The following C18orf63 variants were observed in gnomAD, a reference collection of about 807,000 sequenced individuals.
C18orf63 encodes uncharacterized protein C18orf63.
In C18orf63, 50 loss-of-function variants were observed where a neutral mutation model predicts 75.3. That is an observed-to-expected ratio of 0.66 (90% confidence interval 0.53 to 0.84). C18orf63 has a LOEUF of 0.84. Among genes scored for constraint, C18orf63 ranks in the 40% least tolerant of loss-of-function variants. The pLI, the probability that C18orf63 is intolerant of heterozygous loss-of-function variation, is 0.00. For synonymous variants in C18orf63, 232 were observed against 267.6 expected, an observed-to-expected ratio of 0.87 and a Z score of 1.30; for missense variants, 732 against 800.2, an observed-to-expected ratio of 0.91 and a Z score of 1.03.
chr18:74,338,561 C>T (rs1329607206), intron 7 of C18orf63, among the ~76,000 whole-genome samples, 154 bp from the exon 8 acceptor site: 1 of 152,076 alleles, frequency 6.6e-6, no homozygotes, highest in Non-Finnish European at 1.5e-5. Context: ...ACTTTGACTA[C>T]TTATGTAAAG....
rs1984495723 is a variant in C18orf63, at chr18:74,341,971, G to T, written c.612-61G>T. 1.4e-5 allele frequency: 11 copies of T among 800,218 alleles called. No individual in the cohort carries two copies. The South Asian group carries it at 1.9e-4, about 14-fold the overall frequency. The allele number at this position is 800,218 out of a possible 1,614,324, so 49.6% of individuals were successfully genotyped here. A position where few individuals can be genotyped will look rare whatever the true frequency, so the allele number is the denominator to read the frequency against. On this transcript the variant is annotated intron_variant, in intron 8 of 13. Coordinates refer to ENST00000579455, the MANE Select transcript of C18orf63 (RefSeq NM_001174123.2). Reference sequence around the variant, plus strand: ...TTTTGAACACTTTCTAAATCATGTAGTTGACTTATTAAACTATATTTAAGC... The same window carrying T: ...TTTTGAACACTTTCTAAATCATGTATTTGACTTATTAAACTATATTTAAGC...
chr18:74,341,746 T>G lies in C18orf63; in HGVS notation c.612-286T>G, dbSNP rs1252214445. ...AGTGGTCTACCACAAAAAAAAAAAG[T>G]ATGTGAGTAAATGCATGTTAATTAG... is the stretch of plus-strand genomic sequence containing the variant. On this transcript the variant is annotated intron_variant, in intron 8 of 13. Coordinates refer to ENST00000579455, the MANE Select transcript of C18orf63 (RefSeq NM_001174123.2). 2.0e-5 allele frequency among the ~76,000 whole-genome samples: 3 copies of G among 151,518 alleles called. No individual in the cohort carries two copies. The East Asian group carries it at 5.8e-4, about 29-fold the overall frequency.
At chr18:74,320,280 C>T (rs1190979897) in intron 2 of C18orf63, among the ~76,000 whole-genome samples, 1 of 152,078 alleles carries the variant, frequency 6.6e-6, no homozygotes, top group Non-Finnish European at 1.5e-5. Context: ...GCACCTTCTT[C>T]TAATGGCAGC....
At chr18:74,353,225 T>A (rs1984698017) in intron 11 of C18orf63, 21 bp from the exon 12 acceptor site, 3 of 1,462,340 alleles carry the variant, frequency 2.1e-6, no homozygotes, top group Non-Finnish European at 2.7e-6. Context: ...TAAATTTTTT[T>A]TTAATCTCTA....
At chr18:74,337,152 T>G (rs962762003) in intron 7 of C18orf63, among the ~76,000 whole-genome samples, 3 of 152,150 alleles carry the variant, frequency 2.0e-5, no homozygotes, top group African/African-American at 7.2e-5. Flanking sequence ...TTGTTCAGAT[T>G]GGCGTTATAA....
rs1327456900 is a variant in C18orf63, at chr18:74,353,514, G to A, written c.1247G>A (p.Gly416Glu). The A allele has an allele frequency of 1.3e-6, 2 of 1,536,570 alleles. No individual in the cohort carries two copies. Among genetic ancestry groups the A allele is most frequent in the South Asian group, 1.2e-5 (1 of 84,058 alleles). The change falls in exon 12 of 14, where the codon GGA (glycine) becomes GAA (glutamate). Residue 416 changes from glycine (G) to glutamate (E), a missense_variant. Transcript: ENST00000579455. ...VHSEVLMPNRGNTQVQHTNLS... is the reference protein window; with the variant it reads ...VHSEVLMPNRENTQVQHTNLS... ...TCAGAAGTATTAATGCCCAACAGAG[G>A]AAATACTCAAGTTCAGCACACAAAT...
chr18:74,331,304 T>G (rs753603584), intron 7 of C18orf63, among the ~76,000 whole-genome samples: 1 of 152,198 alleles, frequency 6.6e-6, no homozygotes, highest in Non-Finnish European at 1.5e-5. Context: ...AATTTAATAT[T>G]AATTCCCCTG....
chr18:74,344,003 A>C (rs1984531117), intron 11 of C18orf63, among the ~76,000 whole-genome samples: 1 of 152,076 alleles, frequency 6.6e-6, no homozygotes, highest in South Asian at 2.1e-4. Context: ...AAGAGTATTT[A>C]TTTGGAGATA....
At position 74,354,027 on chromosome 18, in the gene C18orf63, C is replaced by T. The variant is rs770540726; in HGVS notation, c.1760C>T (p.Ser587Leu). 4 of 1,536,316 alleles carry T rather than the reference C, an allele frequency of 2.6e-6. No homozygotes were observed. In the South Asian group the frequency reaches 4.8e-5, roughly 18 times the overall value. Residue 587 changes from serine (S) to leucine (L), a missense_variant, in exon 12 of 14, where the codon TCA becomes TTA. Around this residue, in one of 3 missense-constraint regions of C18orf63, gnomAD observed 495 missense variants for 508.7 expected, o/e 0.97. Transcript: ENST00000579455. ...ITQILGKSHGSLKLKRQPHIF... is the reference protein window; with the variant it reads ...ITQILGKSHGLLKLKRQPHIF... ...CAAATTTTAGGGAAAAGCCATGGGT[C>T]ACTAAAACTGAAAAGACAGCCACAC...
chr18:74,328,411 CAT>C (rs1383256496), intron 5 of C18orf63, among the ~76,000 whole-genome samples: 2 of 152,186 alleles, frequency 1.3e-5, no homozygotes, highest in Non-Finnish European at 2.9e-5. Context: ...CTTCCCACAA[CAT>C]GTGGGAATTA....
chr18:74,323,016 G>C (rs1984150505), intron 4 of C18orf63, among the ~76,000 whole-genome samples: 1 of 152,170 alleles, frequency 6.6e-6, no homozygotes, highest in African/African-American at 2.4e-5. Context: ...TCAGATAAGT[G>C]AATCTCGTCA....
chr18:74,338,082 T>C (rs1000718515), intron 7 of C18orf63, among the ~76,000 whole-genome samples: 3 of 152,126 alleles, frequency 2.0e-5, no homozygotes, highest in African/African-American at 7.2e-5. Context: ...TTTTTCACCC[T>C]CCTTGAGGTC....
intron 7 of C18orf63, among the ~76,000 whole-genome samples, chr18:74,338,437 AC>A (rs369463711): frequency 0.012 from 1,841 of 152,216 alleles, 19 homozygotes; most frequent in South Asian, 0.047. Context: ...AATTAAAAAA[AC>A]CACCTGAAAA....
chr18:74,332,206 G>A (rs568410123), intron 7 of C18orf63, among the ~76,000 whole-genome samples: 1 of 152,244 alleles, frequency 6.6e-6, no homozygotes, highest in East Asian at 1.9e-4. Flanking sequence ...TGCTTTCAGG[G>A]TCTCTCTGCT....
At position 74,349,899 on chromosome 18, in the gene C18orf63, G is replaced by A. The variant is rs140817465; in HGVS notation, c.979-3347G>A. Among the ~76,000 whole-genome samples the A allele has an allele frequency of 8.3e-3, 1,264 of 152,280 alleles. 24 individuals carry two copies. Among genetic ancestry groups the A allele is most frequent in the Non-Finnish European group, 7.8e-3 (528 of 68,024 alleles). On this transcript the variant is annotated intron_variant, in intron 11 of 13. Transcript: ENST00000579455. ...ACTTCTACTTCCAAATATTTTATGA[G>A]TGCATCTGATTGGCTGGTTCTAAAT...
intron 11 of C18orf63, among the ~76,000 whole-genome samples, chr18:74,344,927 A>C (rs1421807441): frequency 6.6e-6 from 1 of 152,060 alleles, no homozygotes; most frequent in Non-Finnish European, 1.5e-5. Flanking sequence ...AACCTCCAGG[A>C]GTAGAATTGG....
At position 74,353,904 on chromosome 18, in the gene C18orf63, C is replaced by T. The variant is rs1401885960; in HGVS notation, c.1637C>T (p.Ala546Val). Residue 546 changes from alanine to valine, a missense_variant, in exon 12 of 14, where the codon GCA becomes GTA. By Grantham distance (64) the Ala-to-Val change is moderately conservative. Transcript: ENST00000579455. The stretch of plus-strand genomic sequence containing the variant: ...AAAAATAAGCAACTATCTAATAGTG[C>T]AGTATTTGTGGTGTCAAATAACAAT... ...LNKNKQLSNS[A>V]VFVVSNNNLG... 6.5e-7 allele frequency: 1 copy of T among 1,535,680 alleles called. No individual in the cohort carries two copies. The highest frequency in any genetic ancestry group is 2.0e-5 in the Admixed American group (1 of 50,950).
intron 11 of C18orf63, among the ~76,000 whole-genome samples, chr18:74,345,016 A>G (rs1984549699): frequency 6.6e-6 from 1 of 152,104 alleles, no homozygotes; most frequent in Admixed American, 6.5e-5. Context: ...CCAAAGCAGT[A>G]TAGGAGAATT....
At chr18:74,336,882 C>G (rs1404193652) in intron 7 of C18orf63, among the ~76,000 whole-genome samples, 1 of 152,056 alleles carries the variant, frequency 6.6e-6, no homozygotes, top group African/African-American at 2.4e-5. Flanking sequence ...CTTTCTCTTT[C>G]CAGTTAGTCT....
Sources: gnomAD v4.1 joint callset for allele counts (sites outside exome capture counted in the v4.1 genomes callset) on GRCh38, gnomAD v4.1.1 for gene constraint, gnomAD v4.1.1 regional missense constraint, MANE v1.5 for transcripts, NCBI Gene and HGNC (gene_info 2026-07-23, HGNC 2026-07-21) for gene names.